LAMA4: variants seen among roughly 807,000 people sequenced by gnomAD.
The protein encoded by LAMA4 is laminin subunit alpha 4, also known as laminin subunit alpha-4.
A neutral mutation model predicts 207.1 loss-of-function variants in LAMA4; 127 were observed. The observed-to-expected ratio is 0.61, with a 90% CI of 0.53 to 0.71. LAMA4 has a LOEUF of 0.71. Ranked by LOEUF, LAMA4 falls within the 30% of genes least tolerant of loss-of-function variation. The probability of loss-of-function intolerance (pLI) is 0.00; values close to 1 mark genes in which losing one functional copy is unlikely to be tolerated. For synonymous variants in LAMA4, 761 were observed against 816.0 expected (o/e 0.93, Z 1.15); for missense variants, 2,093 against 2,246.5 (o/e 0.93, Z 1.38).
intron 5 of LAMA4, among the ~76,000 whole-genome samples, chr6:112,198,073 G>A (rs960483133): frequency 8.5e-5 from 13 of 152,314 alleles, no homozygotes; most frequent in Admixed American, 5.9e-4. Context: ...CCTAGTATGA[G>A]AGTGTGGTAT....
At chr6:112,169,946 C>T (rs1288635793) in intron 12 of LAMA4, among the ~76,000 whole-genome samples, 1 of 152,244 alleles carries the variant, frequency 6.6e-6, no homozygotes, top group South Asian at 2.1e-4. Flanking sequence ...ACCAGCAAAT[C>T]GGCTGGTTTG....
At chr6:112,196,543 G>A (rs1783428722) in intron 5 of LAMA4, 1 of 152,188 alleles carries the variant, frequency 6.6e-6, no homozygotes, top group South Asian at 2.1e-4. Flanking sequence ...GCCCAAGGGA[G>A]CACCTCATCT....
chr6:112,127,855 ATAGAAT>A (rs1305635493), intron 31 of LAMA4, among the ~76,000 whole-genome samples: 5 of 152,156 alleles, frequency 3.3e-5, no homozygotes, highest in African/African-American at 4.8e-5. Context: ...GGTTAAACTG[ATAGAAT>A]TAGAAGGGAT....
At chr6:112,133,511 T>C (rs1253168895) in intron 26 of LAMA4, 24 bp from the exon 27 acceptor site, 2 of 1,613,214 alleles carry the variant, frequency 1.2e-6, no homozygotes, top group East Asian at 2.2e-5. Context: ...TCAGCCTCAC[T>C]GATACAGCCA....
In LAMA4 at chr6:112,119,244, C is replaced by G; in HGVS notation, c.4733G>C (p.Ser1578Thr). 2.5e-6 allele frequency: 4 copies of G among 1,614,042 alleles called. No individual in the cohort carries two copies. The highest frequency in any genetic ancestry group is 3.4e-6 in the Non-Finnish European group (4 of 1,179,940). ...CCAGGTAGCTTCAGTAGGAGGAAGA[C>G]TTTCTTCTAGGACTCGGAGACCATC... ...VIDGLRVLEE[S>T]LPPTEATWKI... Residue 1578 changes from serine to threonine, a missense_variant, in exon 34 of 39, where the codon AGT becomes ACT. By Grantham distance (58) the Ser-to-Thr change is moderately conservative (BLOSUM62 1). Around this residue, in one of 3 missense-constraint regions of LAMA4, gnomAD observed 383 missense variants for 437.8 expected, o/e 0.87. Coordinates refer to ENST00000230538, the MANE Select transcript of LAMA4 (RefSeq NM_001105206.3).
At chr6:112,155,056 G>A in intron 15 of LAMA4, 109 bp from the exon 16 acceptor site, 1 of 787,816 alleles carries the variant, frequency 1.3e-6, no homozygotes, top group Non-Finnish European at 2.3e-6. Context: ...CAAGCAAAAT[G>A]CATTTAGCTT....
At chr6:112,177,496 G>C (rs576870447) in intron 10 of LAMA4, among the ~76,000 whole-genome samples, 1 of 152,282 alleles carries the variant, frequency 6.6e-6, no homozygotes, top group East Asian at 1.9e-4. Context: ...GTAAATTGAA[G>C]GCCAACTATT....
At chr6:112,143,117 T>C (rs1779802673) in intron 19 of LAMA4, among the ~76,000 whole-genome samples, 1 of 152,134 alleles carries the variant, frequency 6.6e-6, no homozygotes, top group Non-Finnish European at 1.5e-5. Context: ...GTGTATGGAT[T>C]GTGTATACTT....
Position 112,132,755 on chromosome 6 carries a change from C to A in LAMA4, c.3832G>T (p.Gly1278Trp), listed in dbSNP as rs1554330268. 6.2e-7 allele frequency: 1 copy of A among 1,612,726 alleles called. No individual in the cohort carries two copies. ...CTCAGAGAAAAACAAACACTTACCC[C>A]TGAAGCATAATAGAATAGTAACCCA... ...PNGLLFYYAS[G>W]SDVFSISLDN... The change falls in exon 28 of 39, where the codon GGG becomes TGG. Residue 1278 changes from glycine (G) to tryptophan (W), a missense_variant and splice_region_variant. By Grantham distance (184) the Gly-to-Trp change is radical. Around this residue, in one of 3 missense-constraint regions of LAMA4, gnomAD observed 1,704 missense variants for 1,788.4 expected, o/e 0.95. Transcript: ENST00000230538.
At chr6:112,200,708 A>G (rs1783689828) in intron 5 of LAMA4, among the ~76,000 whole-genome samples, 1 of 152,242 alleles carries the variant, frequency 6.6e-6, no homozygotes, top group East Asian at 1.9e-4. Flanking sequence ...AGTCATAAAA[A>G]AGGATGAGTT....
chr6:112,205,885 C>T (rs74987140), intron 4 of LAMA4, among the ~76,000 whole-genome samples: 1,839 of 152,280 alleles, frequency 0.012, 39 homozygotes, highest in African/African-American at 0.041. Context: ...ATACCTACAA[C>T]ATGAAACTTT....
chr6:112,188,470 T>C (rs797036603), intron 7 of LAMA4, among the ~76,000 whole-genome samples: 10 of 152,294 alleles, frequency 6.6e-5, no homozygotes, highest in African/African-American at 2.4e-4. Context: ...AATCCAATGG[T>C]AAGGTTAATC....
intron 11 of LAMA4, among the ~76,000 whole-genome samples, chr6:112,173,846 C>G (rs539522995): frequency 1.3e-5 from 2 of 152,216 alleles, no homozygotes; most frequent in African/African-American, 2.4e-5. Context: ...TCTAATGAAG[C>G]CTTCAGACTG....
chr6:112,224,241 CTCCAAGAATATCCTCCCTCCCCTTTATTA>C (rs1785077819), intron 2 of LAMA4, among the ~76,000 whole-genome samples: 1 of 151,824 alleles, frequency 6.6e-6, no homozygotes, highest in Admixed American at 6.6e-5. Context: ...CTTTATTATC[CTCCAAGAATATCCTCCCTCCCCTTTATTA>C]TCCAAGAATA....
intron 2 of LAMA4, among the ~76,000 whole-genome samples, chr6:112,247,357 C>A (rs1376030945): frequency 6.6e-6 from 1 of 152,078 alleles, no homozygotes; most frequent in Non-Finnish European, 1.5e-5. Flanking sequence ...CTGCCTGTAA[C>A]GAAAGGTGAA....
intron 2 of LAMA4, among the ~76,000 whole-genome samples, chr6:112,246,953 A>G (rs1554188801): frequency 6.6e-6 from 1 of 152,262 alleles, no homozygotes; most frequent in Non-Finnish European, 1.5e-5. Context: ...ACTAAATGAC[A>G]GCCTTCTTCT....
chr6:112,130,148 G>T, intron 29 of LAMA4, 108 bp from the exon 30 acceptor site: 1 of 929,320 alleles, frequency 1.1e-6, no homozygotes, highest in Non-Finnish European at 1.7e-6. Flanking sequence ...GGAACATGTG[G>T]TTAATGAAAA....
In LAMA4 at chr6:112,199,242, G is replaced by T. The variant is rs191992339; in HGVS notation, c.503+2366C>A. 3.3e-5 allele frequency among the ~76,000 whole-genome samples: 5 copies of T among 152,260 alleles called. No homozygotes were observed. In the East Asian group the frequency reaches 9.7e-4, roughly 29 times the overall value. On this transcript the variant is annotated intron_variant, in intron 5 of 38. Coordinates refer to ENST00000230538, the MANE Select transcript of LAMA4 (RefSeq NM_001105206.3). ...AGAACCCTTCTCTGCACCCCTGTGTGATTTTACAGGACTGTGCCCTTAGGG... is the reference window on the plus strand; with the variant it reads ...AGAACCCTTCTCTGCACCCCTGTGTTATTTTACAGGACTGTGCCCTTAGGG...
chr6:112,120,475 G>A lies in LAMA4; in HGVS notation c.4476-3C>T. 6.2e-7 allele frequency: 1 copy of A among 1,609,434 alleles called. No individual in the cohort carries two copies. On this transcript the variant is annotated splice_region_variant and splice_polypyrimidine_tract_variant and intron_variant, in intron 32 of 38. Coordinates refer to ENST00000230538, the MANE Select transcript of LAMA4 (RefSeq NM_001105206.3). The stretch of plus-strand genomic sequence containing the variant: ...TCAGACGAATGGAAAACTGAGATCT[G>A]GTAAATGAAAAGAAAGGGATTACCA...
Sources: allele counts gnomAD v4.1 joint callset (sites outside exome capture counted in the v4.1 genomes callset), GRCh38; gene constraint gnomAD v4.1.1; regional missense constraint gnomAD v4.1.1; transcripts MANE v1.5; gene names NCBI Gene and HGNC (gene_info 2026-07-23, HGNC 2026-07-21).